The following LHFPL3 variants were observed in gnomAD, a reference collection of about 807,000 sequenced individuals.
LHFPL3 encodes the protein LHFPL tetraspan subfamily member 3 protein.
A neutral mutation model predicts 19.3 loss-of-function variants in LHFPL3; 5 were observed. The ratio of observed to expected loss-of-function variants is 0.26; its 90% confidence interval spans 0.14 to 0.54. The LOEUF is 0.54. LHFPL3 is among the 20% of genes least tolerant of loss of function. The pLI is 0.94. For synonymous variants in LHFPL3, 133 were observed against 126.2 expected (o/e 1.05, Z -0.36); for missense variants, 249 against 307.4 (o/e 0.81, Z 1.42).
chr7:104,377,191 G>A lies in LHFPL3; in HGVS notation c.445+47967G>A, dbSNP rs544011374. On this transcript the variant is annotated intron_variant, in intron 1 of 2. Coordinates refer to ENST00000424859, the MANE Select transcript of LHFPL3 (RefSeq NM_199000.3). ...TGCCTTGTTTCATCACAGGATGGAAGGATAGAATTTGCTGATTCATTTGCC... is the reference window on the plus strand; with the variant it reads ...TGCCTTGTTTCATCACAGGATGGAAAGATAGAATTTGCTGATTCATTTGCC... Among the ~76,000 whole-genome samples the A allele has an allele frequency of 1.4e-4, 21 of 152,278 alleles. 1 individual carries two copies. In the South Asian group the frequency reaches 4.4e-3, roughly 32 times the overall value.
chr7:104,879,941 A>T (rs1223981112), intron 2 of LHFPL3, among the ~76,000 whole-genome samples: 2 of 152,258 alleles, frequency 1.3e-5, no homozygotes, highest in Non-Finnish European at 2.9e-5. Flanking sequence ...CCAGTAACTC[A>T]AGCTACTCAA....
intron 1 of LHFPL3, among the ~76,000 whole-genome samples, chr7:104,391,022 G>T (rs1791054983): frequency 6.6e-6 from 1 of 152,156 alleles, no homozygotes; most frequent in Non-Finnish European, 1.5e-5. Flanking sequence ...CCTACTTTTT[G>T]ATGGGGTTGT....
At chr7:104,631,726 C>G (rs1791645653) in intron 1 of LHFPL3, among the ~76,000 whole-genome samples, 6 of 152,140 alleles carry the variant, frequency 3.9e-5, no homozygotes, top group Admixed American at 3.9e-4. Flanking sequence ...AAAAGATAGT[C>G]ATGAACTACA....
At chr7:104,436,222 C>G (rs1792101121) in intron 1 of LHFPL3, among the ~76,000 whole-genome samples, 1 of 152,056 alleles carries the variant, frequency 6.6e-6, no homozygotes, top group African/African-American at 2.4e-5. Context: ...TTTAATGAGG[C>G]TGCTAGAATA....
intron 2 of LHFPL3, among the ~76,000 whole-genome samples, chr7:104,821,550 C>T (rs1790676421): frequency 6.6e-6 from 1 of 152,142 alleles, no homozygotes; most frequent in Non-Finnish European, 1.5e-5. Context: ...CTTTGAGTTC[C>T]CAGGAGGCAG....
At chr7:104,866,848 T>C (rs1018416646) in intron 2 of LHFPL3, among the ~76,000 whole-genome samples, 6 of 152,128 alleles carry the variant, frequency 3.9e-5, no homozygotes, top group Non-Finnish European at 8.8e-5. Flanking sequence ...TCAGCAAATG[T>C]AAAAGAACAG....
At chr7:104,756,296 T>C (rs570752974) in intron 2 of LHFPL3, among the ~76,000 whole-genome samples, 5 of 152,310 alleles carry the variant, frequency 3.3e-5, no homozygotes, top group African/African-American at 9.6e-5. Flanking sequence ...CTTATTATTA[T>C]AGCCTAATGT....
rs1403195085 is a variant in LHFPL3, at chr7:104,897,988, CA to C, written c.683-8198del. Reference sequence around the variant, plus strand: ...AGGCAATTTGCTAAGAGACTGCTGACAGAAAGAAATGTCACCCCTTTTTTTT... The same window carrying C: ...AGGCAATTTGCTAAGAGACTGCTGACGAAAGAAATGTCACCCCTTTTTTTT... On this transcript the variant is annotated intron_variant, in intron 2 of 2. Transcript: ENST00000424859. 1.2e-4 allele frequency among the ~76,000 whole-genome samples: 16 copies of C among 131,556 alleles called. No homozygotes were observed. The South Asian group carries it at 3.7e-3, about 30-fold the overall frequency. The allele number at this position is 131,556 out of a possible 152,430, so 86.3% of individuals were successfully genotyped here.
chr7:104,847,390 G>A (rs934900794), intron 2 of LHFPL3, among the ~76,000 whole-genome samples: 1 of 152,198 alleles, frequency 6.6e-6, no homozygotes, highest in Non-Finnish European at 1.5e-5. Flanking sequence ...GCTTTCAGCA[G>A]AGTTTTGAGA....
At chr7:104,558,414 T>C (rs1789906352) in intron 1 of LHFPL3, among the ~76,000 whole-genome samples, 1 of 151,650 alleles carries the variant, frequency 6.6e-6, no homozygotes, top group Non-Finnish European at 1.5e-5. Flanking sequence ...TTGATTTGCA[T>C]TTCTCTGATG....
intron 1 of LHFPL3, among the ~76,000 whole-genome samples, chr7:104,457,191 C>T (rs1288738115): frequency 6.6e-6 from 1 of 151,926 alleles, no homozygotes; most frequent in Non-Finnish European, 1.5e-5. Flanking sequence ...CATATGTATA[C>T]ATGTGCCATG....
intron 1 of LHFPL3, among the ~76,000 whole-genome samples, chr7:104,657,766 C>T (rs529519177): frequency 6.6e-6 from 1 of 152,204 alleles, no homozygotes; most frequent in South Asian, 2.1e-4. Flanking sequence ...AACAGACTTC[C>T]CCTTCCCAAC....
chr7:104,816,356 A>C (rs1250777068), intron 2 of LHFPL3, among the ~76,000 whole-genome samples: 1 of 152,228 alleles, frequency 6.6e-6, no homozygotes, highest in Non-Finnish European at 1.5e-5. Context: ...GAGGCTCTGC[A>C]CTAAGCTTCA....
chr7:104,753,540 C>G (rs1447084751), intron 2 of LHFPL3, among the ~76,000 whole-genome samples: 1 of 151,852 alleles, frequency 6.6e-6, no homozygotes, highest in Non-Finnish European at 1.5e-5. Flanking sequence ...TTAAAAGGCA[C>G]AAACAATAAG....
chr7:104,529,900 G>T (rs1794263657), intron 1 of LHFPL3, among the ~76,000 whole-genome samples: 1 of 152,170 alleles, frequency 6.6e-6, no homozygotes, highest in African/African-American at 2.4e-5. Context: ...CAGGTAAAAT[G>T]AGTCAGGTTC....
chr7:104,874,856 CTTTT>C (rs551943012), intron 2 of LHFPL3, among the ~76,000 whole-genome samples: 1 of 143,594 alleles, frequency 7.0e-6, no homozygotes, highest in Non-Finnish European at 1.5e-5. Flanking sequence ...GTTCTTTTTC[CTTTT>C]TTTTTTTTAA....
chr7:104,602,020 C>CTTTTTTTTTTTTTTTTTTTTTTTT (rs57501560), intron 1 of LHFPL3, among the ~76,000 whole-genome samples: 8 of 91,456 alleles, frequency 8.7e-5, no homozygotes, highest in South Asian at 4.4e-4. Flanking sequence ...TTTTTCTTTT[C>CTTTTTTTTTTTTTTTTTTTTTTTT]TTTTTTTTTT....
chr7:104,768,457 TCACCCACA>T (rs1794497389), intron 2 of LHFPL3, among the ~76,000 whole-genome samples: 1 of 152,164 alleles, frequency 6.6e-6, no homozygotes, highest in Non-Finnish European at 1.5e-5. Context: ...GCCTGCCCTG[TCACCCACA>T]CACCTAGGGG....
chr7:104,383,059 A>G (rs1054669473), intron 1 of LHFPL3, among the ~76,000 whole-genome samples: 5 of 152,174 alleles, frequency 3.3e-5, no homozygotes, highest in Admixed American at 1.3e-4. Context: ...CAGGTAGTCT[A>G]TTTCTACAGC....
Sources: gnomAD v4.1 joint callset for allele counts (sites outside exome capture counted in the v4.1 genomes callset) on GRCh38, gnomAD v4.1.1 for gene constraint, MANE v1.5 for transcripts, NCBI Gene and HGNC (gene_info 2026-07-23, HGNC 2026-07-21) for gene names.